SAXO1: variants seen among roughly 807,000 people sequenced by gnomAD.
SAXO1 encodes the protein stabilizer of axonemal microtubules 1.
In SAXO1, 21 loss-of-function variants were observed where a neutral mutation model predicts 17.5. That is an observed-to-expected ratio of 1.20 (90% CI 0.85 to 1.72). The LOEUF is 1.72. Among genes scored for constraint, SAXO1 ranks in the 40% most tolerant of loss-of-function variants. The pLI is 0.00. For synonymous variants in SAXO1, 274 were observed against 216.5 expected (o/e 1.27, Z -2.33); for missense variants, 843 against 596.0 (o/e 1.41, Z -4.32).
intron 1 of SAXO1, chr9:19,027,085 A>G (rs999139521): frequency 8.0e-6 from 7 of 877,892 alleles, no homozygotes; most frequent in Admixed American, 6.9e-5. Context: ...GAGAAAATCA[A>G]TGTGAACAAA....
intron 1 of SAXO1, among the ~76,000 whole-genome samples, chr9:18,993,533 G>C (rs1448078657): frequency 6.6e-6 from 1 of 152,182 alleles, no homozygotes; most frequent in Non-Finnish European, 1.5e-5. Flanking sequence ...GTAATCACCA[G>C]AGTGAAAGAC....
chr9:19,019,044 G>T (rs1471389294), intron 1 of SAXO1, among the ~76,000 whole-genome samples: 1 of 152,020 alleles, frequency 6.6e-6, no homozygotes, highest in Non-Finnish European at 1.5e-5. Context: ...GGAAGGTGGA[G>T]GTTGCAGTGA....
chr9:18,980,167 G>T (rs1346319615), intron 1 of SAXO1, among the ~76,000 whole-genome samples: 1 of 152,108 alleles, frequency 6.6e-6, no homozygotes, highest in Admixed American at 6.5e-5. Flanking sequence ...TTAGGCAGAG[G>T]CCTGAAAACT....
chr9:18,939,467 G>A (rs930985918), intron 3 of SAXO1, among the ~76,000 whole-genome samples: 1 of 152,216 alleles, frequency 6.6e-6, no homozygotes, highest in African/African-American at 2.4e-5. Flanking sequence ...ATAAGACAGG[G>A]GAGTGCAAGG....
intron 1 of SAXO1, among the ~76,000 whole-genome samples, chr9:18,997,763 C>G (rs1474873451): frequency 6.6e-5 from 10 of 152,168 alleles, no homozygotes; most frequent in African/African-American, 2.2e-4. Context: ...ATGAAGCTTC[C>G]AGAGGAAGGT....
intron 1 of SAXO1, among the ~76,000 whole-genome samples, chr9:18,969,828 C>T (rs976299651): frequency 3.3e-5 from 5 of 152,336 alleles, no homozygotes; most frequent in South Asian, 2.1e-4. Flanking sequence ...CTATGGCTGC[C>T]GCCACCACCA....
chr9:18,944,012 C>T (rs541399353), intron 2 of SAXO1, among the ~76,000 whole-genome samples: 1 of 152,352 alleles, frequency 6.6e-6, no homozygotes, highest in Admixed American at 6.5e-5. Flanking sequence ...TGCGCATCTC[C>T]CACGGCTTCT....
At chr9:19,002,798 G>A (rs570671200) in intron 1 of SAXO1, among the ~76,000 whole-genome samples, 19 of 152,170 alleles carry the variant, frequency 1.2e-4, no homozygotes, top group Non-Finnish European at 2.5e-4. Context: ...TACTAACTGG[G>A]CAAAAACTGG....
chr9:19,029,371 G>C (rs1835656394), intron 1 of SAXO1, among the ~76,000 whole-genome samples: 1 of 152,174 alleles, frequency 6.6e-6, no homozygotes, highest in African/African-American at 2.4e-5. Context: ...GAGAGAACCA[G>C]TGACTCACTC....
intron 2 of SAXO1, among the ~76,000 whole-genome samples, chr9:18,942,655 A>T (rs1267633110): frequency 6.6e-6 from 1 of 152,102 alleles, no homozygotes; most frequent in African/African-American, 2.4e-5. Context: ...AAACAATAGG[A>T]TCGAAAAAGT....
At chr9:19,047,604 G>A (rs899504561) in intron 1 of SAXO1, among the ~76,000 whole-genome samples, 1 of 152,082 alleles carries the variant, frequency 6.6e-6, no homozygotes, top group Non-Finnish European at 1.5e-5. Flanking sequence ...AGAAAATTTC[G>A]AATATGTTTT....
chr9:18,990,035 AAAGG>A lies in SAXO1; in HGVS notation c.39-39102_39-39099del, dbSNP rs148446548. On this transcript the variant is annotated intron_variant, in intron 1 of 3. Transcript: ENST00000380534. Reference sequence around the variant, plus strand: ...GCAGGTATTGCCACCTTTATTTTGCAAAGGAGAGAGAACAGATGTTCCAAAGGAT... The same window carrying A: ...GCAGGTATTGCCACCTTTATTTTGCAAGAGAGAACAGATGTTCCAAAGGAT... Among the ~76,000 whole-genome samples, 533 of 152,292 alleles carry A rather than the reference AAAGG, an allele frequency of 3.5e-3. 2 individuals carry two copies. Among genetic ancestry groups the A allele is most frequent in the African/African-American group, 0.012 (513 of 41,568 alleles).
intron 1 of SAXO1, among the ~76,000 whole-genome samples, chr9:18,967,207 C>A (rs1225039915): frequency 6.6e-6 from 1 of 152,180 alleles, no homozygotes; most frequent in Non-Finnish European, 1.5e-5. Flanking sequence ...TGTCTCCCAG[C>A]CAGGAGGCCT....
chr9:19,013,795 C>T (rs952882603), intron 1 of SAXO1, among the ~76,000 whole-genome samples: 1 of 152,104 alleles, frequency 6.6e-6, no homozygotes, highest in African/African-American at 2.4e-5. Context: ...GATCCACCCG[C>T]CTCGGCCTCC....
chr9:19,033,013 T>C lies in SAXO1; in HGVS notation c.-105A>G, dbSNP rs1835835774. On this transcript the variant is annotated 5_prime_UTR_variant, in exon 1 of 4. Coordinates refer to ENST00000380534, the MANE Select transcript of SAXO1 (RefSeq NM_153707.4). The stretch of plus-strand genomic sequence containing the variant: ...GGGGCACGCCCAGGCTCGAGGGTCT[T>C]GGCAGGTGTTCTGTTTACTCGAAGG... 8.4e-7 allele frequency: 1 copy of C among 1,187,140 alleles called. No individual in the cohort carries two copies. The highest frequency in any genetic ancestry group is 1.1e-6 in the Non-Finnish European group (1 of 872,776). 73.5% of individuals were successfully genotyped at this position (1,187,140 alleles called of 1,614,324 possible).
chr9:19,047,854 G>C (rs921156186), intron 1 of SAXO1, among the ~76,000 whole-genome samples: 2 of 152,200 alleles, frequency 1.3e-5, no homozygotes, highest in Non-Finnish European at 2.9e-5. Context: ...AGCCAAAAAT[G>C]AGAAGATGTG....
chr9:19,033,078 T>A lies in SAXO1; in HGVS notation c.-170A>T. ...CCTTTTGCAATGTCCTGTCGTCTGT[T>A]GCCCTCCTGGAGCTGGCCTAGCGCG... On this transcript the variant is annotated 5_prime_UTR_variant, in exon 1 of 4. Transcript: ENST00000380534. 2 of 632,342 alleles carry A rather than the reference T, an allele frequency of 3.2e-6. No homozygotes were observed. Among genetic ancestry groups the A allele is most frequent in the Non-Finnish European group, 5.1e-6 (2 of 394,950 alleles). The allele number at this position is 632,342 out of a possible 1,614,324, so 39.2% of individuals were successfully genotyped here.
intron 1 of SAXO1, among the ~76,000 whole-genome samples, chr9:19,000,183 G>C (rs1273664384): frequency 6.6e-6 from 1 of 151,656 alleles, no homozygotes; most frequent in East Asian, 1.9e-4. Context: ...ACCCTGTCTG[G>C]GAAGTGAGGA....
intron 1 of SAXO1, among the ~76,000 whole-genome samples, chr9:18,953,059 T>G (rs1304437460): frequency 6.6e-6 from 1 of 152,202 alleles, no homozygotes; most frequent in Non-Finnish European, 1.5e-5. Context: ...AGATTTCAAT[T>G]TAAGCCAACT....
Sources: allele counts gnomAD v4.1 joint callset (sites outside exome capture counted in the v4.1 genomes callset), GRCh38; gene constraint gnomAD v4.1.1; transcripts MANE v1.5; gene names NCBI Gene and HGNC (gene_info 2026-07-23, HGNC 2026-07-21).